MIPOL1: variants seen among roughly 807,000 people sequenced by gnomAD.
The protein encoded by MIPOL1 is mirror-image polydactyly gene 1 protein.
A neutral mutation model predicts 60.9 loss-of-function variants in MIPOL1; 57 were observed. The observed-to-expected ratio is 0.94, with a 90% CI of 0.76 to 1.17. The LOEUF is 1.17. Among genes scored for constraint, MIPOL1 ranks in the 50% most tolerant of loss-of-function variants. The probability of loss-of-function intolerance (pLI) is 0.00; values close to 1 mark genes in which losing one functional copy is unlikely to be tolerated. For synonymous variants in MIPOL1, 179 were observed against 168.8 expected (o/e 1.06, Z -0.47); for missense variants, 551 against 511.6 (o/e 1.08, Z -0.74).
intron 12 of MIPOL1, among the ~76,000 whole-genome samples, chr14:37,541,056 G>A (rs1158351362): frequency 6.6e-6 from 1 of 152,052 alleles, no homozygotes; most frequent in African/African-American, 2.4e-5. Flanking sequence ...CAATATCTAT[G>A]TCAATAACCT....
At chr14:37,412,299 A>G (rs888285838) in intron 10 of MIPOL1, among the ~76,000 whole-genome samples, 2 of 152,112 alleles carry the variant, frequency 1.3e-5, no homozygotes, top group Non-Finnish European at 2.9e-5. Context: ...TGGGACTACT[A>G]TATAGTCCCT....
At chr14:37,425,327 A>G (rs1306932643) in intron 11 of MIPOL1, among the ~76,000 whole-genome samples, 4 of 152,228 alleles carry the variant, frequency 2.6e-5, no homozygotes, top group Non-Finnish European at 5.9e-5. Context: ...GTGGAAGATG[A>G]TTAAATCATT....
chr14:37,276,196 G>A (rs956485503), intron 6 of MIPOL1: 4 of 150,984 alleles, frequency 2.6e-5, no homozygotes, highest in Non-Finnish European at 6.0e-5. Flanking sequence ...TACTGATGAT[G>A]CAAGCATTTG....
At chr14:37,312,011 T>G (rs1187664196) in intron 9 of MIPOL1, among the ~76,000 whole-genome samples, 2 of 64,294 alleles carry the variant, frequency 3.1e-5, no homozygotes, top group African/African-American at 1.2e-4. Context: ...TTTTATAGAA[T>G]ATCTCTGAAT....
At chr14:37,448,724 G>A (rs1173064669) in intron 11 of MIPOL1, among the ~76,000 whole-genome samples, 2 of 151,930 alleles carry the variant, frequency 1.3e-5, no homozygotes, top group African/African-American at 4.8e-5. Flanking sequence ...GAGTGCAAGG[G>A]GAAAGAAAGT....
intron 1 of MIPOL1, among the ~76,000 whole-genome samples, chr14:37,216,818 C>G (rs936631806): frequency 6.6e-6 from 1 of 152,018 alleles, no homozygotes; most frequent in Non-Finnish European, 1.5e-5. Flanking sequence ...CTATAGGTGC[C>G]TACATTAAAA....
chr14:37,478,791 G>T (rs1566678151), intron 11 of MIPOL1, among the ~76,000 whole-genome samples: 1 of 151,916 alleles, frequency 6.6e-6, no homozygotes, highest in Non-Finnish European at 1.5e-5. Context: ...TTCAAAAGCT[G>T]TAAAAAATAG....
At chr14:37,316,519 T>A (rs1458032158) in intron 9 of MIPOL1, among the ~76,000 whole-genome samples, 1 of 151,576 alleles carries the variant, frequency 6.6e-6, no homozygotes, top group Admixed American at 6.6e-5. Context: ...TGAATACAAC[T>A]TTTTTTCCCC....
intron 1 of MIPOL1, among the ~76,000 whole-genome samples, chr14:37,224,965 G>A (rs1251276656): frequency 1.3e-5 from 2 of 152,112 alleles, no homozygotes; most frequent in African/African-American, 4.8e-5. Flanking sequence ...CAAAACAAAG[G>A]AGCTACAGGC....
intron 11 of MIPOL1, among the ~76,000 whole-genome samples, chr14:37,433,379 A>G (rs192178006): frequency 1.8e-4 from 27 of 151,188 alleles, no homozygotes; most frequent in Admixed American, 1.7e-3. Flanking sequence ...TTGCCCCCCA[A>G]CCTCCAACAG....
intron 9 of MIPOL1, among the ~76,000 whole-genome samples, chr14:37,320,189 G>T (rs2088417140): frequency 6.6e-6 from 1 of 152,108 alleles, no homozygotes; most frequent in South Asian, 2.1e-4. Context: ...ACATACAAAA[G>T]AAAAGAATAG....
At chr14:37,325,290 A>G (rs1385711518) in intron 9 of MIPOL1, among the ~76,000 whole-genome samples, 1 of 152,134 alleles carries the variant, frequency 6.6e-6, no homozygotes, top group Non-Finnish European at 1.5e-5. Flanking sequence ...TGATATGTTG[A>G]CATATATTTT....
At chr14:37,399,244 G>C (rs1349144609) in intron 10 of MIPOL1, among the ~76,000 whole-genome samples, 3 of 152,156 alleles carry the variant, frequency 2.0e-5, no homozygotes, top group African/African-American at 7.2e-5. Flanking sequence ...CAAGGTAACA[G>C]AGCAGCTGCT....
intron 3 of MIPOL1, among the ~76,000 whole-genome samples, chr14:37,256,754 T>C (rs1317622587): frequency 1.1e-5 from 1 of 93,318 alleles, no homozygotes; most frequent in African/African-American, 3.1e-5. Context: ...GAAACCAGCA[T>C]CAGAGACTTC....
chr14:37,350,117 G>C (rs2091247369), intron 9 of MIPOL1, among the ~76,000 whole-genome samples: 1 of 152,112 alleles, frequency 6.6e-6, no homozygotes. Flanking sequence ...TGTCGACTAA[G>C]CTGGAATGCC....
intron 9 of MIPOL1, among the ~76,000 whole-genome samples, chr14:37,327,489 T>C (rs964872844): frequency 2.6e-5 from 4 of 152,258 alleles, no homozygotes; most frequent in Non-Finnish European, 5.9e-5. Flanking sequence ...AGTCTCCTTA[T>C]GTTGCCCAAG....
chr14:37,408,013 C>A (rs986711191), intron 10 of MIPOL1, among the ~76,000 whole-genome samples: 3 of 151,072 alleles, frequency 2.0e-5, no homozygotes, highest in African/African-American at 7.3e-5. Flanking sequence ...CCACGCCTGG[C>A]TAATTTTTTA....
intron 7 of MIPOL1, among the ~76,000 whole-genome samples, chr14:37,300,294 T>C (rs111310381): frequency 1.4e-5 from 2 of 147,170 alleles, no homozygotes; most frequent in African/African-American, 5.0e-5. Flanking sequence ...TATGTAATAC[T>C]TTAATACAGG....
chr14:37,329,493 G>T (rs1336788386), intron 9 of MIPOL1, among the ~76,000 whole-genome samples: 2 of 152,006 alleles, frequency 1.3e-5, no homozygotes, highest in Non-Finnish European at 2.9e-5. Flanking sequence ...CGAACTTTTA[G>T]TTTTAGCCTT....
Sources: allele counts gnomAD v4.1 joint callset (sites outside exome capture counted in the v4.1 genomes callset), GRCh38; gene constraint gnomAD v4.1.1; transcripts MANE v1.5; gene names NCBI Gene and HGNC (gene_info 2026-07-23, HGNC 2026-07-21).